Variants in MAML3 observed in about 807,000 individuals in gnomAD.
MAML3 encodes mastermind-like protein 3.
In MAML3, 27 loss-of-function variants were observed where a neutral mutation model predicts 101.9. The ratio of observed to expected loss-of-function variants is 0.27; its 90% CI spans 0.20 to 0.37. The LOEUF (loss-of-function observed/expected upper bound fraction) is 0.37. Among genes scored for constraint, MAML3 ranks in the 10% least tolerant of loss-of-function variants. MAML3 has a pLI of 1.00. For missense variants in MAML3, 1,316 were observed against 1,444.9 expected, an observed-to-expected ratio of 0.91 and a Z score of 1.45; for synonymous variants, 501 against 555.9, an observed-to-expected ratio of 0.90 and a Z score of 1.39.
intron 2 of MAML3, among the ~76,000 whole-genome samples, chr4:139,734,607 T>G (rs957655885): frequency 1.3e-5 from 2 of 152,152 alleles, no homozygotes; most frequent in African/African-American, 4.8e-5. Flanking sequence ...TTCTAAAGGC[T>G]AGAGTGAGGT....
chr4:139,769,140 T>C (rs1729924776), intron 2 of MAML3, among the ~76,000 whole-genome samples: 1 of 152,190 alleles, frequency 6.6e-6, no homozygotes. Flanking sequence ...TACCATTAGC[T>C]TGCAGAACCC....
chr4:140,145,726 C>G (rs1177383725), intron 1 of MAML3, among the ~76,000 whole-genome samples: 1 of 151,844 alleles, frequency 6.6e-6, no homozygotes, highest in Non-Finnish European at 1.5e-5. Flanking sequence ...CCACCACGCC[C>G]GGCTAATTTT....
At chr4:140,045,561 T>C (rs1727169813) in intron 1 of MAML3, among the ~76,000 whole-genome samples, 1 of 152,202 alleles carries the variant, frequency 6.6e-6, no homozygotes, top group Non-Finnish European at 1.5e-5. Flanking sequence ...TTTCTCCATA[T>C]ACCATAACTT....
At chr4:139,780,623 C>CTTTT (rs35929438) in intron 2 of MAML3, among the ~76,000 whole-genome samples, 3 of 136,958 alleles carry the variant, frequency 2.2e-5, no homozygotes, top group African/African-American at 2.7e-5. Context: ...TCTTTCTTTT[C>CTTTT]TTTTTTTTTT....
intron 1 of MAML3, among the ~76,000 whole-genome samples, chr4:139,988,418 T>A (rs984289351): frequency 1.3e-5 from 2 of 151,916 alleles, no homozygotes; most frequent in Admixed American, 6.6e-5. Context: ...TGGGAACTAA[T>A]TGAAATGGGG....
At chr4:139,990,977 C>T (rs1429345571) in intron 1 of MAML3, among the ~76,000 whole-genome samples, 1 of 152,120 alleles carries the variant, frequency 6.6e-6, no homozygotes, top group Non-Finnish European at 1.5e-5. Context: ...TCATACTGCC[C>T]AAGGTAATTT....
chr4:140,069,555 GAGGGGAGGAGGAGGAGGGGA>G (rs1314525169), intron 1 of MAML3, among the ~76,000 whole-genome samples: 3 of 97,144 alleles, frequency 3.1e-5, no homozygotes, highest in African/African-American at 9.2e-5. Context: ...GGAGGAGGAG[GAGGGGAGGAGGAGGAGGGGA>G]GGAGGAGGAG....
chr4:139,962,078 ATG>A (rs1275398877), intron 1 of MAML3, among the ~76,000 whole-genome samples: 6 of 151,244 alleles, frequency 4.0e-5, no homozygotes, highest in Non-Finnish European at 1.5e-5. Context: ...AGCCAAGATC[ATG>A]CCACCGCATT....
intron 2 of MAML3, among the ~76,000 whole-genome samples, chr4:139,883,941 G>A (rs1732274716): frequency 7.4e-6 from 1 of 135,700 alleles, no homozygotes; most frequent in Admixed American, 8.0e-5. Context: ...CCAGGCTGGA[G>A]TGCAATGGGC....
At position 139,785,690 on chromosome 4, in the gene MAML3, TAAAA is replaced by T. The variant is rs1730294178; in HGVS notation, c.2080-55027_2080-55024del. ...TGCACTAATTTTTTTTTTCCTGTGA[TAAAA>T]CAGATTTCCTGAATTTAAAATGCTA... On this transcript the variant is annotated intron_variant, in intron 2 of 4. Transcript: ENST00000509479. The surrounding 1 kb of genome is among the most constrained non-coding windows in gnomAD (Gnocchi z 4.3). Among the ~76,000 whole-genome samples the T allele has an allele frequency of 6.6e-6, 1 of 152,142 alleles. No individual in the cohort carries two copies. The highest frequency in any genetic ancestry group is 2.1e-4 in the South Asian group (1 of 4,822).
intron 1 of MAML3, among the ~76,000 whole-genome samples, chr4:140,051,497 C>A (rs1225186436): frequency 6.6e-6 from 1 of 150,926 alleles, no homozygotes; most frequent in Non-Finnish European, 1.5e-5. Flanking sequence ...GCGGAGGTTG[C>A]AGTGAGCCGA....
intron 2 of MAML3, among the ~76,000 whole-genome samples, chr4:139,833,526 A>G (rs1216168273): frequency 1.3e-5 from 2 of 152,066 alleles, no homozygotes; most frequent in Non-Finnish European, 2.9e-5. Context: ...GGGGAAAGAG[A>G]AAAGACAGGA....
chr4:139,980,519 G>A (rs546581784), intron 1 of MAML3, among the ~76,000 whole-genome samples: 2 of 152,258 alleles, frequency 1.3e-5, no homozygotes, highest in African/African-American at 4.8e-5. Flanking sequence ...AATGCCCTGG[G>A]CTACCCTGAT....
At position 139,939,978 on chromosome 4, in the gene MAML3, C is replaced by A. The variant is rs552834410; in HGVS notation, c.469-49011G>T. Among the ~76,000 whole-genome samples, 6 of 152,236 alleles carry A rather than the reference C, an allele frequency of 3.9e-5. No homozygotes were observed. In the East Asian group the frequency reaches 5.8e-4, roughly 15 times the overall value. ...ACGGTGTTTCACCATGTTGGCCAGG[C>A]TGGTCTCGAACTCCTGACCTTGTGA... On this transcript the variant is annotated intron_variant, in intron 1 of 4. Coordinates refer to ENST00000509479, the MANE Select transcript of MAML3 (RefSeq NM_018717.5).
chr4:139,807,383 C>T (rs1336832379), intron 2 of MAML3, among the ~76,000 whole-genome samples: 5 of 152,160 alleles, frequency 3.3e-5, no homozygotes, highest in South Asian at 4.1e-4. Flanking sequence ...CTGAAAGCCT[C>T]GATTCGGAAT....
At position 139,889,432 on chromosome 4, in the gene MAML3, T is replaced by C; in HGVS notation, c.2004A>G (p.Lys668=). 1.2e-6 allele frequency: 2 copies of C among 1,613,960 alleles called. No individual in the cohort carries two copies. The highest frequency in any genetic ancestry group is 1.7e-6 in the Non-Finnish European group (2 of 1,179,886). Residue 668 remains lysine, a synonymous_variant, in exon 2 of 5, where the codon AAA becomes AAG. Coordinates refer to ENST00000509479, the MANE Select transcript of MAML3 (RefSeq NM_018717.5). ...CTTTCTGCTTCATGAGAAGCAGGCG[T>C]TTCTGGTCTTCGCTCAGGTGTGCCC... ...APRAHLSEDQ[K]RLLLMKQKGV...
intron 2 of MAML3, among the ~76,000 whole-genome samples, chr4:139,783,295 G>C (rs545866287): frequency 2.5e-4 from 38 of 152,158 alleles, no homozygotes; most frequent in Non-Finnish European, 4.1e-4. Context: ...CATTTCTCCA[G>C]TATTCCGGTG....
At chr4:139,946,322 C>G (rs941765237) in intron 1 of MAML3, among the ~76,000 whole-genome samples, 11 of 152,156 alleles carry the variant, frequency 7.2e-5, no homozygotes, top group Admixed American at 2.6e-4. Context: ...TAGGGTGATT[C>G]TCTCAGATTC....
intron 1 of MAML3, among the ~76,000 whole-genome samples, chr4:140,126,313 T>G (rs1728685703): frequency 6.6e-6 from 1 of 152,092 alleles, no homozygotes; most frequent in African/African-American, 2.4e-5. Flanking sequence ...CTTAGTCAAG[T>G]CAGCCCCTCC....
Sources: allele counts gnomAD v4.1 joint callset (sites outside exome capture counted in the v4.1 genomes callset), GRCh38; gene constraint gnomAD v4.1.1; non-coding constraint Gnocchi (gnomAD v3.1); transcripts MANE v1.5; gene names NCBI Gene and HGNC (gene_info 2026-07-23, HGNC 2026-07-21).